PSD3: variants seen among roughly 807,000 people sequenced by gnomAD.
PSD3 encodes PH and SEC7 domain-containing protein 3.
A neutral mutation model predicts 105.5 loss-of-function variants in PSD3; 49 were observed. The ratio of observed to expected loss-of-function variants is 0.46; its 90% CI spans 0.37 to 0.59. The LOEUF (loss-of-function observed/expected upper bound fraction) is 0.59, where lower values mean the gene tolerates loss of function less well. Among genes scored for constraint, PSD3 ranks in the 20% least tolerant of loss-of-function variants. The pLI is 0.00. For synonymous variants in PSD3, 557 were observed against 457.8 expected (o/e 1.22, Z -2.77); for missense variants, 1,561 against 1,263.8 (o/e 1.24, Z -3.57).
intron 4 of PSD3, among the ~76,000 whole-genome samples, chr8:18,841,659 C>T (rs947519786): frequency 6.6e-5 from 10 of 152,164 alleles, no homozygotes; most frequent in Admixed American, 2.0e-4. Context: ...CATGCCTAGG[C>T]GACTCAAGTA....
intron 9 of PSD3, among the ~76,000 whole-genome samples, chr8:18,666,727 G>GTGGGGA (rs1432169718): frequency 1.3e-5 from 2 of 148,176 alleles, no homozygotes; most frequent in African/African-American, 5.2e-5. Context: ...TTTTTTTTGG[G>GTGGGGA]GGGTGGGGGG....
At chr8:19,016,352 T>C (rs1388606012), upstream of PSD3, among the ~76,000 whole-genome samples, 1 of 152,210 alleles carries the variant, frequency 6.6e-6, no homozygotes, top group African/African-American at 2.4e-5. Context: ...CAAGACATTA[T>C]ATACTGCAGG....
intron 4 of PSD3, chr8:18,854,488 T>C (rs1815845366): frequency 6.6e-6 from 1 of 152,242 alleles, no homozygotes; most frequent in Non-Finnish European, 1.5e-5. Context: ...AAAAGGCAAC[T>C]GTCTAAGCTT....
At chr8:18,713,902 A>C (rs1422891265) in intron 9 of PSD3, among the ~76,000 whole-genome samples, 1 of 152,214 alleles carries the variant, frequency 6.6e-6, no homozygotes, top group African/African-American at 2.4e-5. Context: ...TACAGTAACC[A>C]AAACAGTATG....
intron 2 of PSD3, among the ~76,000 whole-genome samples, chr8:18,899,927 A>T (rs1394425931): frequency 6.6e-6 from 1 of 152,194 alleles, no homozygotes; most frequent in Non-Finnish European, 1.5e-5. Context: ...TTCCTGCCTT[A>T]AATCCTCGTA....
At chr8:18,748,782 A>G (rs1467897854) in intron 9 of PSD3, among the ~76,000 whole-genome samples, 2 of 151,950 alleles carry the variant, frequency 1.3e-5, no homozygotes, top group Admixed American at 1.3e-4. Flanking sequence ...TCATCTCTCC[A>G]CACAAGCTGG....
At chr8:19,003,920 T>A (rs1218464608) in intron 1 of PSD3, among the ~76,000 whole-genome samples, 1 of 151,806 alleles carries the variant, frequency 6.6e-6, no homozygotes, top group East Asian at 1.9e-4. Flanking sequence ...ACCACTAAGG[T>A]CATCATTATT....
In PSD3 at chr8:18,785,408, A is replaced by C. The variant is rs10097696; in HGVS notation, c.2082+13887T>G. On this transcript the variant is annotated intron_variant, in intron 8 of 15. Transcript: ENST00000327040. ...ATGAACCAAGTTCTCCTAGCTTCCAACTTTTCTTCTGCAGCTTCCTCACCT... is the reference window on the plus strand; with the variant it reads ...ATGAACCAAGTTCTCCTAGCTTCCACCTTTTCTTCTGCAGCTTCCTCACCT... Among the ~76,000 whole-genome samples the C allele has an allele frequency of 5.1e-3, 776 of 152,160 alleles. 9 individuals are homozygous for C. Among genetic ancestry groups the C allele is most frequent in the African/African-American group, 0.018 (744 of 41,520 alleles).
intron 1 of PSD3, among the ~76,000 whole-genome samples, chr8:18,958,948 T>A (rs1282672345): frequency 6.8e-6 from 1 of 146,564 alleles, no homozygotes; most frequent in African/African-American, 2.5e-5. Context: ...TGAGACGGAG[T>A]CTTGTTCTGT....
chr8:18,967,769 G>A (rs916219564), intron 1 of PSD3, among the ~76,000 whole-genome samples: 1 of 152,160 alleles, frequency 6.6e-6, no homozygotes, highest in African/African-American at 2.4e-5. Context: ...ACATGATAAA[G>A]TTGGTAACCA....
chr8:18,778,805 C>T (rs1808335160), intron 8 of PSD3, among the ~76,000 whole-genome samples: 1 of 151,866 alleles, frequency 6.6e-6, no homozygotes, highest in Non-Finnish European at 1.5e-5. Flanking sequence ...TGGAATAAAA[C>T]CCACTTGATC....
intron 9 of PSD3, among the ~76,000 whole-genome samples, chr8:18,672,460 T>C (rs1799837425): frequency 3.3e-5 from 5 of 152,166 alleles, no homozygotes; most frequent in Admixed American, 6.5e-5. Context: ...CAAATGGAAA[T>C]AGGTTTTATT....
intron 15 of PSD3, among the ~76,000 whole-genome samples, chr8:18,553,710 A>T (rs1464683956): frequency 2.6e-5 from 4 of 152,214 alleles, no homozygotes; most frequent in Admixed American, 2.6e-4. Flanking sequence ...ATATGACTTC[A>T]ATGTTAATTT....
rs568533378 is a variant in PSD3, at chr8:18,914,256, T to C, written c.130+21778A>G. ...GGTAAAGAAGGAATGTACCTCAACA[T>C]AATAAAGACCCTATGTGACAAGCCC... On this transcript the variant is annotated intron_variant, in intron 2 of 15. Coordinates refer to ENST00000327040, the MANE Select transcript of PSD3 (RefSeq NM_015310.4). 1.0e-4 allele frequency among the ~76,000 whole-genome samples: 15 copies of C among 147,348 alleles called. No individual in the cohort carries two copies. The South Asian group carries it at 2.8e-3, about 27-fold the overall frequency.
At position 18,535,342 on chromosome 8, in the gene PSD3, A is replaced by C. The variant is rs1329841831; in HGVS notation, c.*401T>G. ...TATTAACTCCAGCTAGAATTTACTA[A>C]AACTACAGTTTGTCCAGTTAAGTGT... On this transcript the variant is annotated 3_prime_UTR_variant, in exon 16 of 16. Coordinates refer to ENST00000327040, the MANE Select transcript of PSD3 (RefSeq NM_015310.4). 4 of 186,050 alleles carry C rather than the reference A, an allele frequency of 2.1e-5. No individual in the cohort carries two copies. The highest frequency in any genetic ancestry group is 4.6e-5 in the Non-Finnish European group (4 of 87,284). 11.5% of individuals were successfully genotyped at this position (186,050 alleles called of 1,614,324 possible).
rs772620628 is a variant in PSD3 at position 18,530,563 on chromosome 8, A to T, written c.*5180T>A. On this transcript the variant is annotated 3_prime_UTR_variant, in exon 16 of 16. Transcript: ENST00000327040. ...CTTCCGAAAGCTATATTTTTTATGG[A>T]CTAATTACAACAACAATAAAGAACG... 15 of 152,658 alleles carry T rather than the reference A, an allele frequency of 9.8e-5. No homozygotes were observed. Among genetic ancestry groups the T allele is most frequent in the Admixed American group, 5.2e-4 (8 of 15,280 alleles). 9.5% of individuals were successfully genotyped at this position (152,658 alleles called of 1,614,324 possible).
At chr8:18,584,902 A>G (rs1360956829) in intron 12 of PSD3, among the ~76,000 whole-genome samples, 2 of 152,062 alleles carry the variant, frequency 1.3e-5, no homozygotes, top group Non-Finnish European at 2.9e-5. Context: ...TCCAGGGTTG[A>G]GGTGGTGAGA....
At chr8:18,735,035 G>A (rs1000544592) in intron 9 of PSD3, among the ~76,000 whole-genome samples, 2 of 152,030 alleles carry the variant, frequency 1.3e-5, no homozygotes, top group African/African-American at 2.4e-5. Context: ...TGGCACATAC[G>A]CCGAGGACCA....
At chr8:18,881,657 G>A (rs999742196) in intron 2 of PSD3, among the ~76,000 whole-genome samples, 5 of 152,128 alleles carry the variant, frequency 3.3e-5, no homozygotes, top group Admixed American at 6.5e-5. Flanking sequence ...GGTTCCTCAG[G>A]AGAGCCACAG....
Sources: allele counts gnomAD v4.1 joint callset (sites outside exome capture counted in the v4.1 genomes callset), GRCh38; gene constraint gnomAD v4.1.1; transcripts MANE v1.5; gene names NCBI Gene and HGNC (gene_info 2026-07-23, HGNC 2026-07-21).